The following NSUN2 variants were observed in gnomAD, a reference collection of about 807,000 sequenced individuals.
NSUN2 encodes the protein NOP2/Sun RNA methyltransferase 2.
NSUN2 carries 63 observed loss-of-function variants against 92.7 expected under a neutral mutation model. That is an observed-to-expected ratio of 0.68 (90% CI 0.56 to 0.84). NSUN2 has a LOEUF of 0.84. NSUN2 is among the 40% of genes least tolerant of loss of function. NSUN2 has a pLI of 0.00. For synonymous variants in NSUN2, 356 were observed against 348.3 expected (o/e 1.02, Z -0.25); for missense variants, 989 against 964.9 (o/e 1.02, Z -0.33).
intron 4 of NSUN2, among the ~76,000 whole-genome samples, chr5:6,623,694 C>T (rs1737548475): frequency 6.6e-6 from 1 of 152,180 alleles, no homozygotes; most frequent in Non-Finnish European, 1.5e-5. Context: ...TCCTTCTTGC[C>T]TAAAATTCTA....
In NSUN2 at chr5:6,604,681, A is replaced by G. The variant is rs1160185526; in HGVS notation, c.1742T>C (p.Ile581Thr). The stretch of plus-strand genomic sequence containing the variant: ...ACACCAGACTTTGATCCCCGTGTTA[A>G]TAACCTGTAAGTAAAAAAATAAGAT... Reference protein sequence around the residue: ...LLNNSEKMKVINTGIKVWCRN... With the variant: ...LLNNSEKMKVTNTGIKVWCRN... The change falls in exon 16 of 19, where the codon ATT becomes ACT. Residue 581 changes from isoleucine (I) to threonine (T), a missense_variant. Transcript: ENST00000264670. 6.2e-7 allele frequency: 1 copy of G among 1,613,152 alleles called. No homozygotes were observed. The highest frequency in any genetic ancestry group is 1.1e-5 in the South Asian group (1 of 91,064).
chr5:6,604,584 C>G, intron 16 of NSUN2, 21 bp downstream of exon 16: 4 of 1,610,480 alleles, frequency 2.5e-6, no homozygotes, highest in Non-Finnish European at 8.5e-7. Context: ...TACTGCTGTT[C>G]AAATCCACTT....
chr5:6,611,459 A>AAAAAAAAAAAAAAC, intron 10 of NSUN2, among the ~76,000 whole-genome samples: 1 of 151,098 alleles, frequency 6.6e-6, no homozygotes, highest in Non-Finnish European at 1.5e-5. Context: ...AAAAAAAAAA[A>AAAAAAAAAAAAAAC]AAAAAAGCAA....
intron 11 of NSUN2, 142 bp from the exon 12 acceptor site, chr5:6,610,064 AAT>A: frequency 7.4e-6 from 4 of 540,614 alleles, no homozygotes; most frequent in Non-Finnish European, 6.2e-6. Flanking sequence ...TGTAAACTTA[AAT>A]TTTTTTTTTT....
chr5:6,624,001 C>T (rs1454982181), intron 4 of NSUN2, among the ~76,000 whole-genome samples: 2 of 152,222 alleles, frequency 1.3e-5, no homozygotes, highest in Non-Finnish European at 2.9e-5. Context: ...TCCAACACAA[C>T]CCTACAAAAG....
At chr5:6,621,299 A>G (rs1737425700) in intron 6 of NSUN2, 1 of 152,158 alleles carries the variant, frequency 6.6e-6, no homozygotes, top group African/African-American at 2.4e-5. Context: ...GTCTGATGGT[A>G]GCTTTTAACT....
intron 2 of NSUN2, among the ~76,000 whole-genome samples, chr5:6,632,268 G>A (rs542417906): frequency 6.6e-5 from 10 of 152,152 alleles, no homozygotes; most frequent in Admixed American, 1.3e-4. Flanking sequence ...GGGGGGGCGC[G>A]GAGGAGGGGA....
chr5:6,604,310 CATG>C (rs774104597), intron 16 of NSUN2, 34 bp from the exon 17 acceptor site: 40 of 1,563,118 alleles, frequency 2.6e-5, no homozygotes, highest in Non-Finnish European at 3.2e-5. Flanking sequence ...GAACAGATAC[CATG>C]ATGTCATTCA....
chr5:6,600,175 G>A lies in NSUN2; in HGVS notation c.2055C>T (p.Ser685=). 6.2e-7 allele frequency: 1 copy of A among 1,614,228 alleles called. No individual in the cohort carries two copies. The highest frequency in any genetic ancestry group is 8.5e-7 in the Non-Finnish European group (1 of 1,180,034). ...IVLCGWRGKA[S]IRTFVPKNER... ...CATTCTTGGGCACAAAAGTTCGAAT[G>A]GAGGCCTTTCCCCGCCATCCGCATA... The change falls in exon 19 of 19, where the codon TCC becomes TCT. Residue 685 remains serine (S), a synonymous_variant. Transcript: ENST00000264670.
chr5:6,611,177 C>A, intron 10 of NSUN2, 92 bp from the exon 11 acceptor site: 1 of 1,394,358 alleles, frequency 7.2e-7, no homozygotes, highest in Non-Finnish European at 9.9e-7. Flanking sequence ...TCAAAGGTGA[C>A]AAATGGTGAT....
intron 7 of NSUN2, among the ~76,000 whole-genome samples, chr5:6,619,896 C>T (rs1405380654): frequency 6.6e-6 from 1 of 152,166 alleles, no homozygotes; most frequent in Non-Finnish European, 1.5e-5. Flanking sequence ...ATTGCAACCA[C>T]CCCTTTCTGT....
chr5:6,614,601 C>A (rs1031299584), intron 9 of NSUN2, among the ~76,000 whole-genome samples: 1 of 152,114 alleles, frequency 6.6e-6, no homozygotes, highest in Non-Finnish European at 1.5e-5. Flanking sequence ...TGGATTCAAC[C>A]TGCTTTCAGA....
rs768674868 is a variant in NSUN2 at position 6,600,017 on chromosome 5, GCT to G, written c.2211_2212del (p.Arg737SerfsTer22). 2.5e-6 allele frequency: 4 copies of G among 1,614,208 alleles called. No individual in the cohort carries two copies. The highest frequency in any genetic ancestry group is 1.1e-5 in the South Asian group (1 of 91,082). On this transcript the variant is annotated frameshift_variant, in exon 19 of 19. Transcript: ENST00000264670. LOFTEE classifies it low-confidence loss of function (END_TRUNC). The stretch of plus-strand genomic sequence containing the variant: ...TGCATCTGGGCTGTTGGGCTCTCCT[GCT>G]CTCTGTCCCTCAGTCACGTCATTGT...
chr5:6,602,465 A>C lies in NSUN2; in HGVS notation c.1993T>G (p.Ser665Ala). Residue 665 changes from serine to alanine, a missense_variant, in exon 18 of 19, where the codon TCT (serine) becomes GCT (alanine). Transcript: ENST00000264670. Reference sequence around the variant, plus strand: ...GCAGGGCGTGTACTGACTTACGCAGAATCTGGTTCATACTTCAGCACGATG... The same window carrying C: ...GCAGGGCGTGTACTGACTTACGCAGCATCTGGTTCATACTTCAGCACGATG... ...GSIVLKYEPD[S>A]ANPDALQCPI... is the part of the protein sequence containing the mutation. 1 of 1,614,024 alleles carries C rather than the reference A, an allele frequency of 6.2e-7. No homozygotes were observed. Among genetic ancestry groups the C allele is most frequent in the South Asian group, 1.1e-5 (1 of 91,086 alleles).
At chr5:6,611,913 G>A (rs1737009519) in intron 9 of NSUN2, 115 bp from the exon 10 acceptor site, 2 of 942,382 alleles carry the variant, frequency 2.1e-6, no homozygotes, top group East Asian at 2.7e-5. Flanking sequence ...TACAGAAAAT[G>A]TCCAGGGAAG....
rs140117783 is a variant in NSUN2, at chr5:6,608,223, G to C, written c.1324-839C>G. ...ACCCCAAGCCTGTGAGCAAGTCAGTGAGGGCACACGCCCTTCCTGTCCAAC... is the reference window on the plus strand; with the variant it reads ...ACCCCAAGCCTGTGAGCAAGTCAGTCAGGGCACACGCCCTTCCTGTCCAAC... On this transcript the variant is annotated intron_variant, in intron 12 of 18. Coordinates refer to ENST00000264670, the MANE Select transcript of NSUN2 (RefSeq NM_017755.6). Among the ~76,000 whole-genome samples, 42 of 152,334 alleles carry C rather than the reference G, an allele frequency of 2.8e-4. No homozygotes were observed. In the East Asian group the frequency reaches 7.9e-3, roughly 29 times the overall value.
chr5:6,631,415 G>A (rs964646713), intron 3 of NSUN2, among the ~76,000 whole-genome samples: 7 of 152,198 alleles, frequency 4.6e-5, no homozygotes, highest in Admixed American at 4.6e-4. Flanking sequence ...ACATTGGCTG[G>A]TGCAGTCTGT....
At chr5:6,617,860 TA>T (rs1737274327) in intron 8 of NSUN2, 89 bp downstream of exon 8, 1 of 962,814 alleles carries the variant, frequency 1.0e-6, no homozygotes, top group East Asian at 2.6e-5. Context: ...TACAGCTCTC[TA>T]ATTAAAGATC....
rs764904423 is a variant in NSUN2 at position 6,632,657 on chromosome 5, A to T, written c.196T>A (p.Phe66Ile). 2 of 1,614,048 alleles carry T rather than the reference A, an allele frequency of 1.2e-6. No individual in the cohort carries two copies. Among genetic ancestry groups the T allele is most frequent in the Non-Finnish European group, 8.5e-7 (1 of 1,180,018 alleles). Residue 66 changes from phenylalanine (F) to isoleucine (I), a missense_variant, in exon 2 of 19, where the codon TTC (phenylalanine) becomes ATC (isoleucine). Coordinates refer to ENST00000264670, the MANE Select transcript of NSUN2 (RefSeq NM_017755.6). ...AGCGGCTCCCTGAGAGCGTCCATGA[A>T]CTGGCCCCACTCGCCCTCGGGCACG... is the stretch of plus-strand genomic sequence containing the variant. ...KIVPEGEWGQFMDALREPLPA... is the reference protein window; with the variant it reads ...KIVPEGEWGQIMDALREPLPA...
Sources: allele counts gnomAD v4.1 joint callset (sites outside exome capture counted in the v4.1 genomes callset), GRCh38; gene constraint gnomAD v4.1.1; transcripts MANE v1.5; gene names NCBI Gene and HGNC (gene_info 2026-07-23, HGNC 2026-07-21).